Variants in BCAS2 observed in about 807,000 individuals in gnomAD.
BCAS2 encodes pre-mRNA-splicing factor SPF27.
In BCAS2, 34 loss-of-function variants were observed where a neutral mutation model predicts 35.3. That is an observed-to-expected ratio of 0.96 (90% CI 0.73 to 1.28). The LOEUF is 1.28. Among genes scored for constraint, BCAS2 ranks in the 50% most tolerant of loss-of-function variants. The pLI, the probability that BCAS2 is intolerant of heterozygous loss-of-function variation, is 0.00. For missense variants in BCAS2, 221 were observed against 268.1 expected (o/e 0.82, Z 1.23); for synonymous variants, 75 against 91.6 (o/e 0.82, Z 1.03).
intron 3 of BCAS2, among the ~76,000 whole-genome samples, chr1:114,575,995 T>G (rs1654753746): frequency 6.6e-6 from 1 of 152,136 alleles, no homozygotes; most frequent in Admixed American, 6.6e-5. Flanking sequence ...CATAAAAGAT[T>G]GTTACATTAG....
chr1:114,571,200 A>G (rs1368562903), intron 4 of BCAS2, among the ~76,000 whole-genome samples: 1 of 151,736 alleles, frequency 6.6e-6, no homozygotes, highest in Non-Finnish European at 1.5e-5. Flanking sequence ...GATTACAGGC[A>G]TGTACTGCCA....
chr1:114,581,051 T>C (rs1654877058), intron 2 of BCAS2, among the ~76,000 whole-genome samples: 1 of 152,172 alleles, frequency 6.6e-6, no homozygotes, highest in African/African-American at 2.4e-5. Context: ...GGATCCTATC[T>C]CAAAGAATGG....
intron 6 of BCAS2, 113 bp from the exon 7 acceptor site, chr1:114,568,369 T>TG (rs1654569419): frequency 2.5e-6 from 1 of 407,576 alleles, no homozygotes; most frequent in Non-Finnish European, 3.1e-6. Flanking sequence ...TAACCTTCAC[T>TG]TTTTTTTTTT....
Position 114,568,037 on chromosome 1 carries a change from T to C in BCAS2, c.*93A>G. The C allele has an allele frequency of 6.6e-7, 1 of 1,512,158 alleles. No individual in the cohort carries two copies. The highest frequency in any genetic ancestry group is 9.1e-7 in the Non-Finnish European group (1 of 1,102,236). The allele number at this position is 1,512,158 out of a possible 1,614,324, so 93.7% of individuals were successfully genotyped here. A position where few individuals can be genotyped will look rare whatever the true frequency, so the allele number is the denominator to read the frequency against. ...TTCTAAACACTTAAACATCAATGGT[T>C]TTGGGAAGATGCTGTTGTCCTTCAA... On this transcript the variant is annotated 3_prime_UTR_variant, in exon 7 of 7. Transcript: ENST00000369541.
intron 2 of BCAS2, among the ~76,000 whole-genome samples, chr1:114,580,119 G>A (rs1654852141): frequency 6.6e-6 from 1 of 151,736 alleles, no homozygotes; most frequent in South Asian, 2.1e-4. Flanking sequence ...TTTTTCTTTT[G>A]TAGAGAAAGG....
rs777359482 is a variant in BCAS2, at chr1:114,581,423, T to C, written c.94-32A>G. On this transcript the variant is annotated intron_variant, in intron 1 of 6. Coordinates refer to ENST00000369541, the MANE Select transcript of BCAS2 (RefSeq NM_005872.3). Reference sequence around the variant, plus strand: ...AAGAGAATAGGGACCAGGGTAGAAGTGGCAAATTGTAACATGTTTCTTTCA... The same window carrying C: ...AAGAGAATAGGGACCAGGGTAGAAGCGGCAAATTGTAACATGTTTCTTTCA... The C allele has an allele frequency of 4.3e-6, 7 of 1,613,740 alleles. No homozygotes were observed. In the African/African-American group the frequency reaches 5.3e-5, roughly 12 times the overall value.
At chr1:114,570,330 A>C (rs762277196) in intron 5 of BCAS2, among the ~76,000 whole-genome samples, 8 of 152,066 alleles carry the variant, frequency 5.3e-5, no homozygotes, top group Non-Finnish European at 1.2e-4. Flanking sequence ...CCTCTCATGC[A>C]TGTCTCCTTT....
chr1:114,575,396 T>C (rs895974957), intron 4 of BCAS2, among the ~76,000 whole-genome samples, 194 bp downstream of exon 4: 1 of 151,176 alleles, frequency 6.6e-6, no homozygotes, highest in Admixed American at 6.6e-5. Flanking sequence ...GGTTTCACCA[T>C]GTTGGCCAGG....
intron 2 of BCAS2, among the ~76,000 whole-genome samples, chr1:114,578,335 C>CA (rs74817162): frequency 0.016 from 2,244 of 143,614 alleles, 45 homozygotes; most frequent in African/African-American, 0.049. Flanking sequence ...TAGTTTCCTG[C>CA]AAAAAAAAAA....
Position 114,575,680 on chromosome 1 carries a change from G to A in BCAS2, c.329C>T (p.Ser110Phe), listed in dbSNP as rs1238523757. Residue 110 changes from serine to phenylalanine, a missense_variant, in exon 4 of 7, where the codon TCT becomes TTT. Ser to Phe is a radical substitution (Grantham distance 155). Transcript: ENST00000369541. ...ITAWQECVNN[S>F]MAQLEHQAVR... ...TGCTTGATGCTCTAACTGGGCCATAGAATTGTTTACACATTCTTGCCATGC... is the reference window on the plus strand; with the variant it reads ...TGCTTGATGCTCTAACTGGGCCATAAAATTGTTTACACATTCTTGCCATGC... 1.2e-6 allele frequency: 2 copies of A among 1,613,364 alleles called. No homozygotes were observed. The highest frequency in any genetic ancestry group is 1.7e-5 in the Admixed American group (1 of 59,978).
intron 2 of BCAS2, 82 bp downstream of exon 2, chr1:114,581,217 T>A: frequency 6.9e-7 from 1 of 1,444,826 alleles, no homozygotes; most frequent in African/African-American, 1.4e-5. Context: ...AGGCAATGGT[T>A]AAAACTGGAA....
At chr1:114,581,474 A>G (rs537840279) in intron 1 of BCAS2, 25 bp downstream of exon 1, 2 of 1,613,926 alleles carry the variant, frequency 1.2e-6, no homozygotes, top group Admixed American at 1.7e-5. Context: ...GCAGTGAGTC[A>G]GCTACAAAGA....
rs569927753 is a variant in BCAS2 at position 114,579,833 on chromosome 1, T to A, written c.186+1466A>T. ...GTGAGCAGAGATGGCACCACTGCAC[T>A]CCAGCCTGGGTGACGTAATGAGACT... On this transcript the variant is annotated intron_variant, in intron 2 of 6. Coordinates refer to ENST00000369541, the MANE Select transcript of BCAS2 (RefSeq NM_005872.3). Among the ~76,000 whole-genome samples the A allele has an allele frequency of 3.8e-4, 58 of 152,254 alleles. 1 individual carries two copies. Among genetic ancestry groups the A allele is most frequent in the African/African-American group, 1.4e-3 (57 of 41,556 alleles).
Position 114,575,748 on chromosome 1 carries a change from A to G in BCAS2, c.261T>C (p.Tyr87=), listed in dbSNP as rs1161549185. Residue 87 remains tyrosine (Y), a synonymous_variant, in exon 4 of 7, where the codon TAT becomes TAC. Transcript: ENST00000369541. The stretch of plus-strand genomic sequence containing the variant: ...GACCAGAGGAGGGGGCTGGAAGCTC[A>G]TATCTGAAATTAAACAACAAAATAA... ...QPIELLSMKR[Y]ELPAPSSGQK... 7.5e-6 allele frequency: 12 copies of G among 1,610,518 alleles called. No individual in the cohort carries two copies. The highest frequency in any genetic ancestry group is 2.2e-5 in the East Asian group (1 of 44,844).
rs61756331 is a variant in BCAS2, at chr1:114,568,217, C to T, written c.591G>A (p.Arg197=). 3.1e-6 allele frequency: 5 copies of T among 1,613,722 alleles called. No homozygotes were observed. Among genetic ancestry groups the T allele is most frequent in the African/African-American group, 2.7e-5 (2 of 74,862 alleles). The change falls in exon 7 of 7, where the codon CGG becomes CGA. Residue 197 remains arginine, a synonymous_variant. Transcript: ENST00000369541. ...TTTCATTTTCTAGCTGAACAATAGT[C>T]CGTTCAATCTCATAATTCTTACTGA... ...SLVSKNYEIE[R]TIVQLENEIY... is the part of the protein sequence containing the mutation.
At chr1:114,576,828 A>G (rs1654779691) in intron 2 of BCAS2, 70 bp from the exon 3 acceptor site, 2 of 1,227,368 alleles carry the variant, frequency 1.6e-6, no homozygotes, top group African/African-American at 3.0e-5. Context: ...TCACCAAAGA[A>G]CAGATTTAAG....
chr1:114,580,799 T>C (rs1168670447), intron 2 of BCAS2, among the ~76,000 whole-genome samples: 2 of 152,154 alleles, frequency 1.3e-5, no homozygotes, highest in African/African-American at 4.8e-5. Context: ...AATGTGTTAA[T>C]AAAAACATCG....
At chr1:114,578,243 G>A (rs1332368013) in intron 2 of BCAS2, among the ~76,000 whole-genome samples, 2 of 151,750 alleles carry the variant, frequency 1.3e-5, no homozygotes, top group South Asian at 4.2e-4. Flanking sequence ...AAAAAATTTC[G>A]TATTAAGCAT....
At chr1:114,571,261 A>G (rs766630869) in intron 4 of BCAS2, among the ~76,000 whole-genome samples, 2 of 151,326 alleles carry the variant, frequency 1.3e-5, no homozygotes, top group Non-Finnish European at 2.9e-5. Flanking sequence ...GGGTTTCACT[A>G]TGTCGGCCAG....
Sources: allele counts gnomAD v4.1 joint callset (sites outside exome capture counted in the v4.1 genomes callset), GRCh38; gene constraint gnomAD v4.1.1; transcripts MANE v1.5; gene names NCBI Gene and HGNC (gene_info 2026-07-23, HGNC 2026-07-21).